DGKI: variants seen among roughly 807,000 people sequenced by gnomAD.
DGKI encodes the protein diacylglycerol kinase iota.
Under a neutral mutation model 147.5 loss-of-function variants are expected in DGKI, and 55 were observed. The observed-to-expected ratio is 0.37, with a 90% CI of 0.30 to 0.47. DGKI has a LOEUF of 0.47. Ranked by LOEUF, DGKI falls within the 20% of genes least tolerant of loss-of-function variation. DGKI has a pLI of 1.00. For missense variants in DGKI, 1,007 were observed against 1,323.8 expected (o/e 0.76, Z 3.71); for synonymous variants, 469 against 477.1 (o/e 0.98, Z 0.22).
intron 32 of DGKI, among the ~76,000 whole-genome samples, chr7:137,394,852 C>T (rs1281544019): frequency 6.6e-6 from 1 of 152,192 alleles, no homozygotes; most frequent in East Asian, 1.9e-4. Flanking sequence ...GGTGTTCTGG[C>T]ACCAAATGAG....
intron 1 of DGKI, among the ~76,000 whole-genome samples, chr7:137,728,194 A>G (rs754536261): frequency 7.9e-5 from 12 of 152,156 alleles, no homozygotes; most frequent in African/African-American, 1.2e-4. Context: ...AAGAAAAATT[A>G]CAGCAAGTCA....
chr7:137,801,085 G>T (rs1262094347), intron 1 of DGKI, among the ~76,000 whole-genome samples: 1 of 152,200 alleles, frequency 6.6e-6, no homozygotes, highest in African/African-American at 2.4e-5. Flanking sequence ...ATTCTGCAAA[G>T]TGTTTTGTTC....
chr7:137,839,158 GC>G (rs1798476876), intron 1 of DGKI, among the ~76,000 whole-genome samples: 1 of 152,182 alleles, frequency 6.6e-6, no homozygotes, highest in African/African-American at 2.4e-5. Context: ...CACTGACTGT[GC>G]CTCTCTCCTC....
intron 2 of DGKI, among the ~76,000 whole-genome samples, chr7:137,685,724 A>G (rs549403760): frequency 6.6e-6 from 1 of 152,294 alleles, no homozygotes; most frequent in African/African-American, 2.4e-5. Context: ...GCAGGCTGTC[A>G]CTGTGGAAGT....
At chr7:137,412,861 T>TG (rs1234174962) in intron 28 of DGKI, among the ~76,000 whole-genome samples, 1 of 151,826 alleles carries the variant, frequency 6.6e-6, no homozygotes, top group African/African-American at 2.4e-5. Context: ...ATGATTCTTA[T>TG]GGAAAAAAAA....
chr7:137,635,228 C>G (rs1821268854), intron 6 of DGKI, among the ~76,000 whole-genome samples: 2 of 152,224 alleles, frequency 1.3e-5, no homozygotes, highest in South Asian at 4.1e-4. Context: ...TATGTGGGTC[C>G]AATAGCATGG....
At chr7:137,517,208 GT>G (rs1330078083) in intron 21 of DGKI, among the ~76,000 whole-genome samples, 1 of 118,252 alleles carries the variant, frequency 8.5e-6, no homozygotes, top group African/African-American at 3.0e-5. Context: ...GAAAAGAAAA[GT>G]AAAGAAAAGA....
intron 1 of DGKI, among the ~76,000 whole-genome samples, chr7:137,836,198 T>C (rs551984906): frequency 6.6e-6 from 1 of 152,324 alleles, no homozygotes; most frequent in South Asian, 2.1e-4. Flanking sequence ...AAAGCTTCTG[T>C]TTTAATCTTT....
At chr7:137,407,418 T>C (rs1402127658) in intron 30 of DGKI, among the ~76,000 whole-genome samples, 1 of 151,662 alleles carries the variant, frequency 6.6e-6, no homozygotes, top group Non-Finnish European at 1.5e-5. Context: ...GTGGAAAAGA[T>C]AAATGAGATC....
chr7:137,402,978 T>C (rs930362435), intron 30 of DGKI, among the ~76,000 whole-genome samples: 2 of 151,376 alleles, frequency 1.3e-5, no homozygotes, highest in Admixed American at 6.6e-5. Context: ...TAGGAGGCAA[T>C]GGGGTAGGCG....
chr7:137,750,814 T>C (rs1486190802), intron 1 of DGKI, among the ~76,000 whole-genome samples: 3 of 152,182 alleles, frequency 2.0e-5, no homozygotes, highest in African/African-American at 4.8e-5. Flanking sequence ...CTAATGAAGA[T>C]CTTTAAGGCA....
chr7:137,809,142 C>T (rs1272936478), intron 1 of DGKI, among the ~76,000 whole-genome samples: 1 of 152,132 alleles, frequency 6.6e-6, no homozygotes, highest in Admixed American at 6.5e-5. Flanking sequence ...AGGGCTTTAT[C>T]CTCTAGGCAG....
intron 1 of DGKI, among the ~76,000 whole-genome samples, chr7:137,773,093 A>T (rs890640110): frequency 2.0e-5 from 3 of 152,216 alleles, no homozygotes; most frequent in Admixed American, 1.3e-4. Flanking sequence ...GGTCAATTAC[A>T]TTATACCACA....
chr7:137,566,917 A>G (rs1224990627), intron 19 of DGKI, among the ~76,000 whole-genome samples: 1 of 152,020 alleles, frequency 6.6e-6, no homozygotes, highest in African/African-American at 2.4e-5. Flanking sequence ...TATGTTTTCT[A>G]TCTCATTTAA....
chr7:137,821,053 T>G (rs889337099), intron 1 of DGKI, among the ~76,000 whole-genome samples: 1 of 152,044 alleles, frequency 6.6e-6, no homozygotes, highest in African/African-American at 2.4e-5. Context: ...CCCTCAGAAA[T>G]CCCAGACTGA....
chr7:137,729,702 T>C (rs1794814155), intron 1 of DGKI, among the ~76,000 whole-genome samples: 1 of 152,088 alleles, frequency 6.6e-6, no homozygotes, highest in Admixed American at 6.6e-5. Context: ...ATTAACCTTC[T>C]AATGGCCAAA....
intron 1 of DGKI, among the ~76,000 whole-genome samples, chr7:137,845,475 C>G (rs1156524805): frequency 3.3e-5 from 5 of 152,134 alleles, no homozygotes; most frequent in Admixed American, 2.6e-4. Flanking sequence ...TTCCAGAAAC[C>G]CTCTGAGCTC....
rs541024102 is a variant in DGKI at position 137,533,226 on chromosome 7, T to C, written c.2148-11260A>G. 2.5e-4 allele frequency among the ~76,000 whole-genome samples: 38 copies of C among 152,158 alleles called. 1 individual carries two copies. The highest frequency in any genetic ancestry group is 3.4e-3 in the Middle Eastern group (1 of 294). Reference sequence around the variant, plus strand: ...ATCACTTGAACTCAGGAGTTCAAGATTGCAATCAACTATAATAGTGCCACT... The same window carrying C: ...ATCACTTGAACTCAGGAGTTCAAGACTGCAATCAACTATAATAGTGCCACT... On this transcript the variant is annotated intron_variant, in intron 20 of 32. Transcript: ENST00000614521.
chr7:137,458,719 A>G (rs34061919), intron 27 of DGKI, among the ~76,000 whole-genome samples: 7,223 of 152,222 alleles, frequency 0.047, 205 homozygotes, highest in Middle Eastern at 0.11. Flanking sequence ...CTTACAACTC[A>G]AATAGATTTG....
Sources: allele counts gnomAD v4.1 joint callset (sites outside exome capture counted in the v4.1 genomes callset), GRCh38; gene constraint gnomAD v4.1.1; transcripts MANE v1.5; gene names NCBI Gene and HGNC (gene_info 2026-07-23, HGNC 2026-07-21).